ZDHHC21: variants seen among roughly 807,000 people sequenced by gnomAD.
ZDHHC21 encodes zDHHC palmitoyltransferase 21.
In ZDHHC21, 15 loss-of-function variants were observed where a neutral mutation model predicts 34.6. The ratio of observed to expected loss-of-function variants is 0.43; its 90% CI spans 0.29 to 0.67. The LOEUF is 0.67. Ranked by LOEUF, ZDHHC21 falls within the 30% of genes least tolerant of loss-of-function variation. ZDHHC21 has a pLI of 0.14. For missense variants in ZDHHC21, 344 were observed against 327.7 expected (o/e 1.05, Z -0.38); for synonymous variants, 142 against 101.8 (o/e 1.40, Z -2.38).
chr9:14,669,526 A>T (rs1835078937), intron 5 of ZDHHC21, among the ~76,000 whole-genome samples: 1 of 151,694 alleles, frequency 6.6e-6, no homozygotes, highest in African/African-American at 2.4e-5. Context: ...ATGACTATAA[A>T]TCATGCTGCT....
intron 7 of ZDHHC21, among the ~76,000 whole-genome samples, chr9:14,651,000 A>G (rs1831145074): frequency 6.6e-6 from 1 of 151,994 alleles, no homozygotes; most frequent in Admixed American, 6.6e-5. Flanking sequence ...AAGCTAAAGG[A>G]CATAATTTTA....
rs1839043352 is a variant in ZDHHC21 at position 14,690,774 on chromosome 9, A to G, written c.-224-389T>C. Among the ~76,000 whole-genome samples the G allele has an allele frequency of 2.6e-5, 4 of 152,228 alleles. No homozygotes were observed. The South Asian group carries it at 6.2e-4, about 24-fold the overall frequency. Reference sequence around the variant, plus strand: ...TCTATGAAAATGTGCTTTTTAAACTAGTCTGACTTGACTTATCAAGAATTC... The same window carrying G: ...TCTATGAAAATGTGCTTTTTAAACTGGTCTGACTTGACTTATCAAGAATTC... On this transcript the variant is annotated intron_variant, in intron 1 of 9. Transcript: ENST00000380916.
intron 8 of ZDHHC21, among the ~76,000 whole-genome samples, chr9:14,633,724 G>A (rs543245976): frequency 6.6e-6 from 1 of 152,096 alleles, no homozygotes; most frequent in Non-Finnish European, 1.5e-5. Flanking sequence ...CAAATCCAGG[G>A]TGCATTTTCA....
chr9:14,671,575 T>C (rs1835443212), intron 5 of ZDHHC21, among the ~76,000 whole-genome samples: 1 of 152,086 alleles, frequency 6.6e-6, no homozygotes, highest in Non-Finnish European at 1.5e-5. Flanking sequence ...GGGGTAAATT[T>C]TTGAGAGACT....
chr9:14,618,813 G>T lies in ZDHHC21; in HGVS notation c.*153C>A. ...TGTATTAGTCCCACAACAGGATCAA[G>T]ATCACTATTAAAATAAAGCCTGGGG... On this transcript the variant is annotated 3_prime_UTR_variant, in exon 10 of 10. Coordinates refer to ENST00000380916, the MANE Select transcript of ZDHHC21 (RefSeq NM_178566.6). The T allele has an allele frequency of 1.4e-6, 1 of 722,044 alleles. No homozygotes were observed. The highest frequency in any genetic ancestry group is 3.3e-5 in the East Asian group (1 of 30,414). 44.7% of individuals were successfully genotyped at this position (722,044 alleles called of 1,614,324 possible). A position where few individuals can be genotyped will look rare whatever the true frequency, so the allele number is the denominator to read the frequency against.
intron 5 of ZDHHC21, among the ~76,000 whole-genome samples, chr9:14,665,737 C>A (rs1310355043): frequency 6.9e-6 from 1 of 144,144 alleles, no homozygotes; most frequent in African/African-American, 2.6e-5. Flanking sequence ...AATTTCATAT[C>A]CAGCCAAACT....
At chr9:14,629,284 A>C (rs1390408747) in intron 8 of ZDHHC21, among the ~76,000 whole-genome samples, 1 of 152,174 alleles carries the variant, frequency 6.6e-6, no homozygotes, top group Non-Finnish European at 1.5e-5. Context: ...CGGTTTTAGA[A>C]ATATCACCTC....
In ZDHHC21 at chr9:14,662,306, A is replaced by G. The variant is rs1190079745; in HGVS notation, c.274T>C (p.Cys92Arg). The change falls in exon 6 of 10, where the codon TGT becomes CGT. Residue 92 changes from cysteine (C) to arginine (R), a missense_variant. Physicochemically the swap from Cys to Arg is radical, Grantham distance 180 (BLOSUM62 -3). Coordinates refer to ENST00000380916, the MANE Select transcript of ZDHHC21 (RefSeq NM_178566.6). ...PHGEREFWEL[C>R]NKCNLMRPKR... ...GGTCTCATCAAATTACACTTGTTAC[A>G]TAATTCCCAGAACTCCCTTTCTAAA... The G allele has an allele frequency of 1.9e-6, 3 of 1,609,952 alleles. No homozygotes were observed. Among genetic ancestry groups the G allele is most frequent in the African/African-American group, 1.3e-5 (1 of 74,746 alleles).
chr9:14,677,739 T>C (rs1315771857), intron 3 of ZDHHC21, among the ~76,000 whole-genome samples: 1 of 152,084 alleles, frequency 6.6e-6, no homozygotes, highest in East Asian at 1.9e-4. Flanking sequence ...TAAAAACAAT[T>C]ATAATTTAAC....
intron 5 of ZDHHC21, among the ~76,000 whole-genome samples, chr9:14,669,944 T>C (rs1835155557): frequency 6.7e-6 from 1 of 149,820 alleles, no homozygotes; most frequent in Non-Finnish European, 1.5e-5. Flanking sequence ...GCATGGCACA[T>C]GTATACATAT....
chr9:14,662,467 G>C, intron 5 of ZDHHC21, 141 bp from the exon 6 acceptor site: 2 of 585,784 alleles, frequency 3.4e-6, no homozygotes, highest in Non-Finnish European at 5.9e-6. Flanking sequence ...TGGTATAAAT[G>C]TGTTTGCCAT....
intron 7 of ZDHHC21, among the ~76,000 whole-genome samples, chr9:14,650,502 G>T (rs1198231250): frequency 6.6e-6 from 1 of 151,662 alleles, no homozygotes; most frequent in Non-Finnish European, 1.5e-5. Context: ...TGACCTTCTA[G>T]ATATTAAGAA....
chr9:14,687,003 A>G (rs1156653349), intron 2 of ZDHHC21, among the ~76,000 whole-genome samples: 4 of 150,428 alleles, frequency 2.7e-5, no homozygotes, highest in African/African-American at 1.0e-4. Flanking sequence ...AATGTTAAAG[A>G]GCTGCTACCC....
chr9:14,606,409 G>C (rs1823016843), downstream of ZDHHC21, among the ~76,000 whole-genome samples: 1 of 152,156 alleles, frequency 6.6e-6, no homozygotes, highest in Admixed American at 6.5e-5. Context: ...GTCCATGTAG[G>C]TGTTCTGGAT....
chr9:14,621,137 T>G (rs951332977), intron 8 of ZDHHC21, among the ~76,000 whole-genome samples: 4 of 151,878 alleles, frequency 2.6e-5, no homozygotes, highest in Non-Finnish European at 5.9e-5. Flanking sequence ...TTAAAACAAC[T>G]TACACAAAAG....
At chr9:14,610,020 C>G (rs2133353190), downstream of ZDHHC21, among the ~76,000 whole-genome samples, 1 of 151,170 alleles carries the variant, frequency 6.6e-6, no homozygotes, top group Non-Finnish European at 1.5e-5. Context: ...AACATAAAAT[C>G]ATGGGTCTCT....
chr9:14,643,760 A>G (rs951161323), intron 7 of ZDHHC21, among the ~76,000 whole-genome samples: 3 of 152,244 alleles, frequency 2.0e-5, no homozygotes, highest in Admixed American at 6.5e-5. Context: ...TGAATATTCA[A>G]CTGTTCCGGA....
intron 2 of ZDHHC21, among the ~76,000 whole-genome samples, chr9:14,687,538 GC>G (rs1426306773): frequency 1.3e-5 from 2 of 150,618 alleles, no homozygotes; most frequent in African/African-American, 5.0e-5. Context: ...AGGCATAGTG[GC>G]GCCCGCCTGT....
chr9:14,608,006 T>G (rs1435771733), downstream of ZDHHC21, among the ~76,000 whole-genome samples: 1 of 152,202 alleles, frequency 6.6e-6, no homozygotes, highest in East Asian at 1.9e-4. Flanking sequence ...TGAGAATATC[T>G]GAAATGCTTT....
Sources: allele counts gnomAD v4.1 joint callset (sites outside exome capture counted in the v4.1 genomes callset), GRCh38; gene constraint gnomAD v4.1.1; transcripts MANE v1.5; gene names NCBI Gene and HGNC (gene_info 2026-07-23, HGNC 2026-07-21).